Variants in NYNRIN observed in about 807,000 individuals in gnomAD.
NYNRIN encodes NYN domain and retroviral integrase containing.
In NYNRIN, 86 loss-of-function variants were observed where a neutral mutation model predicts 146.6. The observed-to-expected ratio is 0.59, with a 90% CI of 0.49 to 0.70. The LOEUF is 0.70. Among genes scored for constraint, NYNRIN ranks in the 30% least tolerant of loss-of-function variants. NYNRIN has a pLI of 0.00. For missense variants in NYNRIN, 2,191 were observed against 2,377.7 expected, an observed-to-expected ratio of 0.92 and a Z score of 1.63; for synonymous variants, 1,027 against 1,001.3, an observed-to-expected ratio of 1.03 and a Z score of -0.48.
Position 24,409,227 on chromosome 14 carries a change from A to G in NYNRIN, c.1433A>G (p.Gln478Arg), listed in dbSNP as rs375351963. ...VKDKVSSDLPQIGPPLTSTPQ... is the reference protein window; with the variant it reads ...VKDKVSSDLPRIGPPLTSTPQ... The stretch of plus-strand genomic sequence containing the variant: ...GACAAAGTTAGCTCGGATCTCCCAC[A>G]GATAGGGCCACCCTTGACCTCTACA... Residue 478 changes from glutamine to arginine, a missense_variant, in exon 4 of 9, where the codon CAG (glutamine) becomes CGG (arginine). Gln to Arg is a conservative substitution (Grantham distance 43). Coordinates refer to ENST00000382554, the MANE Select transcript of NYNRIN (RefSeq NM_025081.3). 2.3e-5 allele frequency: 37 copies of G among 1,613,450 alleles called. No individual in the cohort carries two copies. The highest frequency in any genetic ancestry group is 3.1e-5 in the Non-Finnish European group (37 of 1,179,732).
rs1471588395 is a variant in NYNRIN, at chr14:24,408,149, C to G, written c.479C>G (p.Thr160Ser). 2 of 1,605,126 alleles carry G rather than the reference C, an allele frequency of 1.2e-6. No individual in the cohort carries two copies. The highest frequency in any genetic ancestry group is 2.7e-5 in the African/African-American group (2 of 74,804). ...CGGGGGATCTGGGAGGCTGAGGTGA[C>G]CCGGGCCTTTGGGGCCCTGGTCTGG... Reference protein sequence around the residue: ...TPRGIWEAEVTRAFGALVWIR... With the variant: ...TPRGIWEAEVSRAFGALVWIR... Residue 160 changes from threonine (T) to serine (S), a missense_variant, in exon 3 of 9, where the codon ACC becomes AGC. Coordinates refer to ENST00000382554, the MANE Select transcript of NYNRIN (RefSeq NM_025081.3).
intron 2 of NYNRIN, among the ~76,000 whole-genome samples, chr14:24,403,517 C>A (rs980964772): frequency 6.6e-6 from 1 of 152,184 alleles, no homozygotes; most frequent in Non-Finnish European, 1.5e-5. Context: ...CCCTCTGTAG[C>A]CTCAAGTTAA....
At chr14:24,413,288 A>T in intron 7 of NYNRIN, 28 bp from the exon 8 acceptor site, 1 of 1,595,428 alleles carries the variant, frequency 6.3e-7, no homozygotes, top group Non-Finnish European at 8.6e-7. Context: ...GCTCACAGTG[A>T]CTGTGCCTCT....
Position 24,413,392 on chromosome 14 carries a change from G to C in NYNRIN, c.2821G>C (p.Asp941His), listed in dbSNP as rs771044984. The C allele has an allele frequency of 9.3e-6, 15 of 1,612,846 alleles. No individual in the cohort carries two copies. The highest frequency in any genetic ancestry group is 1.2e-5 in the Non-Finnish European group (14 of 1,179,378). Residue 941 changes from aspartate (D) to histidine (H), a missense_variant, in exon 8 of 9, where the codon GAT (aspartate) becomes CAT (histidine). Transcript: ENST00000382554. ...DPLGRDGPTLDEFLKKPNRLD... is the reference protein window; with the variant it reads ...DPLGRDGPTLHEFLKKPNRLD... ...CCTGGGCCGTGATGGCCCCACCTTGGATGAGTTTCTGAAGAAGCCAAACAG... is the reference window on the plus strand; with the variant it reads ...CCTGGGCCGTGATGGCCCCACCTTGCATGAGTTTCTGAAGAAGCCAAACAG...
chr14:24,411,010 G>A lies in NYNRIN; in HGVS notation c.2415-66G>A. 1 of 1,596,632 alleles carries A rather than the reference G, an allele frequency of 6.3e-7. No homozygotes were observed. Among genetic ancestry groups the A allele is most frequent in the South Asian group, 1.1e-5 (1 of 89,994 alleles). On this transcript the variant is annotated intron_variant, in intron 4 of 8. Coordinates refer to ENST00000382554, the MANE Select transcript of NYNRIN (RefSeq NM_025081.3). The surrounding 1 kb of genome is among the most constrained non-coding windows in gnomAD (Gnocchi z 4.3). ...TTGGTGCTGGCATTGCTTGCTTGCT[G>A]CCCCAGGGCTGGCTCTGAGGGAGGA...
rs1216337540 is a variant in NYNRIN at position 24,408,691 on chromosome 14, A to G, written c.897A>G (p.Gln299=). 1 of 1,612,934 alleles carries G rather than the reference A, an allele frequency of 6.2e-7. No individual in the cohort carries two copies. The highest frequency in any genetic ancestry group is 8.5e-7 in the Non-Finnish European group (1 of 1,179,354). Residue 299 remains glutamine, a synonymous_variant, in exon 4 of 9, where the codon CAA becomes CAG. Transcript: ENST00000382554. The stretch of plus-strand genomic sequence containing the variant: ...ACCAAGATGGTATGGACAGTGCTCA[A>G]GAGGAAGGGACAGTGCAAGCCACCA... ...SNNQDGMDSA[Q]EEGTVQATSS...
At position 24,411,212 on chromosome 14, in the gene NYNRIN, G is replaced by T. The variant is rs369191467; in HGVS notation, c.2545+6G>T. The stretch of plus-strand genomic sequence containing the variant: ...GAAGAACCGGAGGGTGAGAGGTGAG[G>T]TGTCCCCTGCCTGCCCAGCCTCCAC... On this transcript the variant is annotated splice_donor_region_variant and intron_variant, in intron 5 of 8. Coordinates refer to ENST00000382554, the MANE Select transcript of NYNRIN (RefSeq NM_025081.3). The surrounding 1 kb of genome is among the most constrained non-coding windows in gnomAD (Gnocchi z 4.3). The T allele has an allele frequency of 5.0e-6, 8 of 1,606,716 alleles. No homozygotes were observed. Among genetic ancestry groups the T allele is most frequent in the Admixed American group, 1.7e-5 (1 of 58,978 alleles).
At chr14:24,414,521 C>T (rs2042931305) in intron 8 of NYNRIN, 75 bp from the exon 9 acceptor site, 3 of 1,145,886 alleles carry the variant, frequency 2.6e-6, no homozygotes, top group Non-Finnish European at 3.5e-6. Flanking sequence ...AATGGGGTTT[C>T]CACAGAGGTG....
intron 2 of NYNRIN, among the ~76,000 whole-genome samples, chr14:24,400,758 C>G (rs917908349): frequency 2.0e-5 from 3 of 151,554 alleles, no homozygotes; most frequent in Non-Finnish European, 4.4e-5. Context: ...GCAGCTCACC[C>G]TCTTAGGGGA....
At chr14:24,400,400 T>A (rs2042834240) in intron 2 of NYNRIN, among the ~76,000 whole-genome samples, 2 of 152,214 alleles carry the variant, frequency 1.3e-5, no homozygotes, top group Admixed American at 1.3e-4. Flanking sequence ...ACAGCCTCCC[T>A]CTGCCCCAGA....
Position 24,414,793 on chromosome 14 carries a change from A to G in NYNRIN, c.3044A>G (p.Glu1015Gly). ...GGGCAGGGCACACAGAAGGCGGCTG[A>G]GGAGGACGACCTTGACTCTTCGCTG... ...RQGQGTQKAA[E>G]EDDLDSSLAS... Residue 1015 changes from glutamate (E) to glycine (G), a missense_variant, in exon 9 of 9, where the codon GAG (glutamate) becomes GGG (glycine). Transcript: ENST00000382554. The G allele has an allele frequency of 6.2e-7, 1 of 1,613,838 alleles. No individual in the cohort carries two copies. The highest frequency in any genetic ancestry group is 8.5e-7 in the Non-Finnish European group (1 of 1,179,832).
intron 4 of NYNRIN, among the ~76,000 whole-genome samples, 190 bp from the exon 5 acceptor site, chr14:24,410,886 C>T (rs1461631749): frequency 2.0e-5 from 3 of 152,186 alleles, no homozygotes; most frequent in African/African-American, 4.8e-5. Flanking sequence ...CACACATGCA[C>T]GCGCACACAC....
Position 24,417,130 on chromosome 14 carries a change from T to C in NYNRIN, c.5381T>C (p.Val1794Ala), listed in dbSNP as rs758422413. ...LKMDVFLLQL[V>A]GELLELHWRV... ...ATGGACGTCTTCCTGCTACAGCTGG[T>C]GGGGGAGCTGCTGGAGCTCCACTGG... is the stretch of plus-strand genomic sequence containing the variant. Residue 1794 changes from valine (V) to alanine (A), a missense_variant, in exon 9 of 9, where the codon GTG becomes GCG. Val to Ala is a moderately conservative substitution (Grantham distance 64). Coordinates refer to ENST00000382554, the MANE Select transcript of NYNRIN (RefSeq NM_025081.3). 5.6e-6 allele frequency: 9 copies of C among 1,613,836 alleles called. No homozygotes were observed. Among genetic ancestry groups the C allele is most frequent in the Non-Finnish European group, 5.9e-6 (7 of 1,179,812 alleles).
Position 24,416,154 on chromosome 14 carries a change from C to T in NYNRIN, c.4405C>T (p.Pro1469Ser), listed in dbSNP as rs1452656617. 1 of 1,613,846 alleles carries T rather than the reference C, an allele frequency of 6.2e-7. No individual in the cohort carries two copies. Among genetic ancestry groups the T allele is most frequent in the African/African-American group, 1.3e-5 (1 of 75,044 alleles). Residue 1469 changes from proline (P) to serine (S), a missense_variant, in exon 9 of 9, where the codon CCC becomes TCC. Pro to Ser is a moderately conservative substitution (Grantham distance 74). Coordinates refer to ENST00000382554, the MANE Select transcript of NYNRIN (RefSeq NM_025081.3). Reference sequence around the variant, plus strand: ...GGATGTGCCAGCCCCTACAGTGAGTCCCCATGCCATGGGCAAGAGGCCCAA... The same window carrying T: ...GGATGTGCCAGCCCCTACAGTGAGTTCCCATGCCATGGGCAAGAGGCCCAA... ...PKDVPAPTVS[P>S]HAMGKRPNLL...
intron 6 of NYNRIN, among the ~76,000 whole-genome samples, chr14:24,412,251 G>A (rs144362322): frequency 5.3e-5 from 8 of 152,322 alleles, no homozygotes; most frequent in African/African-American, 1.9e-4. Flanking sequence ...AAGTTCAGGC[G>A]TGGGTTTGAT....
chr14:24,411,216 C>T lies in NYNRIN; in HGVS notation c.2545+10C>T. 6.2e-7 allele frequency: 1 copy of T among 1,606,904 alleles called. No homozygotes were observed. The highest frequency in any genetic ancestry group is 1.3e-5 in the African/African-American group (1 of 74,714). On this transcript the variant is annotated intron_variant, in intron 5 of 8. Coordinates refer to ENST00000382554, the MANE Select transcript of NYNRIN (RefSeq NM_025081.3). This position sits in a 1 kb window ranked among gnomAD's most constrained non-coding sequence, Gnocchi z 4.3. The stretch of plus-strand genomic sequence containing the variant: ...AACCGGAGGGTGAGAGGTGAGGTGT[C>T]CCCTGCCTGCCCAGCCTCCACAGTG...
At chr14:24,406,246 TA>T (rs200348583) in intron 2 of NYNRIN, among the ~76,000 whole-genome samples, 3 of 148,536 alleles carry the variant, frequency 2.0e-5, no homozygotes, top group African/African-American at 7.7e-5. Context: ...TAAAATAAAA[TA>T]AAATATTGGA....
Position 24,408,837 on chromosome 14 carries a change from A to T in NYNRIN, c.1043A>T (p.Lys348Met). The T allele has an allele frequency of 2.5e-6, 4 of 1,614,064 alleles. No individual in the cohort carries two copies. The highest frequency in any genetic ancestry group is 3.4e-6 in the Non-Finnish European group (4 of 1,179,898). The part of the protein sequence containing the change: ...VSALGVCPPW[K>M]AWTPGPAFGP... ...GCCCTGGGTGTGTGCCCACCCTGGA[A>T]GGCCTGGACCCCGGGGCCAGCCTTT... Residue 348 changes from lysine to methionine, a missense_variant, in exon 4 of 9, where the codon AAG becomes ATG. By Grantham distance (95) the Lys-to-Met change is moderately conservative. This residue lies in a region of NYNRIN where 895 missense variants were observed against 941.2 expected (regional missense o/e 0.95). Coordinates refer to ENST00000382554, the MANE Select transcript of NYNRIN (RefSeq NM_025081.3).
Position 24,416,048 on chromosome 14 carries a change from G to C in NYNRIN, c.4299G>C (p.Arg1433=), listed in dbSNP as rs372984438. ...CGTTTATCTACCGAACCTCCTACCG[G>C]GGCTCTCTGTTTGCTGTGACAGTGG... The part of the protein sequence containing the change: ...SLPFIYRTSY[R]GSLFAVTVDT... Residue 1433 remains arginine (R), a synonymous_variant, in exon 9 of 9, where the codon CGG becomes CGC. Transcript: ENST00000382554. The C allele has an allele frequency of 7.4e-6, 12 of 1,613,822 alleles. No individual in the cohort carries two copies. In the African/African-American group the frequency reaches 1.6e-4, roughly 22 times the overall value.
Sources: gnomAD v4.1 joint callset for allele counts (sites outside exome capture counted in the v4.1 genomes callset) on GRCh38, gnomAD v4.1.1 for gene constraint, gnomAD v4.1.1 regional missense constraint, Gnocchi (gnomAD v3.1) non-coding constraint, MANE v1.5 for transcripts, NCBI Gene and HGNC (gene_info 2026-07-23, HGNC 2026-07-21) for gene names.